The following NELL1 variants were observed in gnomAD, a reference collection of about 807,000 sequenced individuals.
NELL1 encodes protein kinase C-binding protein NELL1.
Under a neutral mutation model 107.4 loss-of-function variants are expected in NELL1, and 76 were observed. The ratio of observed to expected loss-of-function variants is 0.71; its 90% CI spans 0.59 to 0.86. NELL1 has a LOEUF of 0.86. Among genes scored for constraint, NELL1 ranks in the 40% least tolerant of loss-of-function variants. NELL1 has a pLI of 0.00. For missense variants in NELL1, 1,024 were observed against 1,005.5 expected, an observed-to-expected ratio of 1.02 and a Z score of -0.25; for synonymous variants, 353 against 341.2, an observed-to-expected ratio of 1.03 and a Z score of -0.38.
At chr11:20,900,921 A>G (rs1444106320) in intron 5 of NELL1, among the ~76,000 whole-genome samples, 1 of 152,124 alleles carries the variant, frequency 6.6e-6, no homozygotes, top group Admixed American at 6.6e-5. Context: ...AAGAAATTCA[A>G]TACTGACTCA....
At chr11:21,389,728 T>G (rs557501114) in intron 15 of NELL1, among the ~76,000 whole-genome samples, 10 of 151,960 alleles carry the variant, frequency 6.6e-5, no homozygotes, top group African/African-American at 2.4e-4. Context: ...TTTGTAAGAT[T>G]TATTCATGCT....
intron 15 of NELL1, among the ~76,000 whole-genome samples, chr11:21,458,933 G>C (rs1460254840): frequency 1.5e-5 from 1 of 66,272 alleles, no homozygotes; most frequent in Non-Finnish European, 4.9e-5. Flanking sequence ...TTAATATTTA[G>C]AGATAATTTT....
At chr11:21,357,687 T>C (rs1022448184) in intron 14 of NELL1, among the ~76,000 whole-genome samples, 10 of 152,234 alleles carry the variant, frequency 6.6e-5, no homozygotes, top group African/African-American at 2.4e-4. Context: ...TTGTTGCATT[T>C]GCTTTTGCGC....
intron 12 of NELL1, among the ~76,000 whole-genome samples, chr11:21,070,411 T>C (rs1298510995): frequency 6.6e-6 from 1 of 152,088 alleles, no homozygotes; most frequent in African/African-American, 2.4e-5. Context: ...CCAAATGGTA[T>C]TATAAGGTTG....
chr11:21,458,461 A>G (rs997244004), intron 15 of NELL1, among the ~76,000 whole-genome samples: 2 of 152,172 alleles, frequency 1.3e-5, no homozygotes, highest in African/African-American at 2.4e-5. Context: ...AAAGGAAACA[A>G]TCTTTATGCT....
intron 14 of NELL1, among the ~76,000 whole-genome samples, chr11:21,353,888 G>T (rs1318175315): frequency 6.6e-6 from 1 of 152,040 alleles, no homozygotes; most frequent in Non-Finnish European, 1.5e-5. Flanking sequence ...CCATAAATTA[G>T]GGTTTCATTT....
intron 15 of NELL1, among the ~76,000 whole-genome samples, chr11:21,529,571 C>A (rs1422476303): frequency 6.6e-6 from 1 of 152,086 alleles, no homozygotes; most frequent in African/African-American, 2.4e-5. Flanking sequence ...CCAAGAGAAT[C>A]TAAATCTTTA....
intron 16 of NELL1, among the ~76,000 whole-genome samples, chr11:21,540,612 G>A (rs898282942): frequency 6.6e-6 from 1 of 152,018 alleles, no homozygotes; most frequent in Non-Finnish European, 1.5e-5. Context: ...GGAAGGTAAA[G>A]GGGAACCAGA....
chr11:21,402,390 A>G (rs1343644332), intron 15 of NELL1, among the ~76,000 whole-genome samples: 2 of 151,830 alleles, frequency 1.3e-5, no homozygotes, highest in African/African-American at 4.8e-5. Flanking sequence ...TGCGTTTTAC[A>G]GAGGAAATTT....
At chr11:21,125,725 T>A (rs1855472298) in intron 13 of NELL1, among the ~76,000 whole-genome samples, 1 of 152,172 alleles carries the variant, frequency 6.6e-6, no homozygotes. Flanking sequence ...GGGTTTGAAT[T>A]TGATGTTAGG....
intron 13 of NELL1, among the ~76,000 whole-genome samples, chr11:21,151,780 G>T (rs113938070): frequency 1.7e-3 from 260 of 152,264 alleles, no homozygotes; most frequent in African/African-American, 5.9e-3. Flanking sequence ...AGTTGATTTA[G>T]AATTACCATT....
intron 12 of NELL1, among the ~76,000 whole-genome samples, chr11:21,015,030 T>A (rs1251459414): frequency 6.6e-6 from 1 of 152,174 alleles, no homozygotes; most frequent in Non-Finnish European, 1.5e-5. Context: ...TGAACTTTGT[T>A]CATTTTTTTA....
intron 1 of NELL1, among the ~76,000 whole-genome samples, chr11:20,670,831 T>TC (rs144764964): frequency 0.021 from 3,157 of 152,226 alleles, 45 homozygotes; most frequent in Middle Eastern, 0.068. Context: ...CCCTTTATTC[T>TC]CCCCCCTTTA....
intron 15 of NELL1, among the ~76,000 whole-genome samples, chr11:21,492,757 AG>A (rs1854861279): frequency 1.6e-5 from 1 of 63,874 alleles, no homozygotes; most frequent in East Asian, 5.8e-4. Flanking sequence ...GGGTGGGGGG[AG>A]GGGGGAGGGA....
At chr11:21,113,790 C>A in intron 13 of NELL1, 76 bp downstream of exon 13, 2 of 1,453,944 alleles carry the variant, frequency 1.4e-6, no homozygotes, top group Non-Finnish European at 1.9e-6. Context: ...ATGTTTAATT[C>A]CTAGTGCACA....
intron 16 of NELL1, among the ~76,000 whole-genome samples, chr11:21,559,506 G>T (rs1856801517): frequency 6.6e-6 from 1 of 152,054 alleles, no homozygotes; most frequent in African/African-American, 2.4e-5. Context: ...TGTCAATAAA[G>T]AGCAGGACAA....
chr11:21,412,780 T>TCCTGGCCTGGG (rs1852410708), intron 15 of NELL1, among the ~76,000 whole-genome samples: 1 of 152,018 alleles, frequency 6.6e-6, no homozygotes, highest in East Asian at 1.9e-4. Flanking sequence ...TAAGTATAAC[T>TCCTGGCCTGGG]CCTGGCCTGG....
chr11:20,832,069 G>C (rs573112516), intron 3 of NELL1, among the ~76,000 whole-genome samples: 8 of 152,174 alleles, frequency 5.3e-5, no homozygotes, highest in Admixed American at 2.6e-4. Flanking sequence ...TAGCAAGTGG[G>C]CTGGGTGGGA....
intron 15 of NELL1, among the ~76,000 whole-genome samples, chr11:21,501,359 C>T (rs550601522): frequency 2.6e-5 from 4 of 152,244 alleles, no homozygotes; most frequent in East Asian, 1.9e-4. Context: ...CTGGGGTAGG[C>T]GTTTCACATG....
Sources: gnomAD v4.1 joint callset for allele counts (sites outside exome capture counted in the v4.1 genomes callset) on GRCh38, gnomAD v4.1.1 for gene constraint, MANE v1.5 for transcripts, NCBI Gene and HGNC (gene_info 2026-07-23, HGNC 2026-07-21) for gene names.